The following PTPRD variants were observed in gnomAD, a reference collection of about 807,000 sequenced individuals.
The protein encoded by PTPRD is protein tyrosine phosphatase receptor type D, also known as receptor-type tyrosine-protein phosphatase delta.
Under a neutral mutation model 214.5 loss-of-function variants are expected in PTPRD, and 34 were observed. The ratio of observed to expected loss-of-function variants is 0.16; its 90% CI spans 0.12 to 0.21. The LOEUF (loss-of-function observed/expected upper bound fraction) is 0.21. Among genes scored for constraint, PTPRD ranks in the 10% least tolerant of loss-of-function variants. The probability of loss-of-function intolerance (pLI) is 1.00; values close to 1 mark genes in which losing one functional copy is unlikely to be tolerated. For synonymous variants in PTPRD, 1,128 were observed against 845.7 expected, an observed-to-expected ratio of 1.33 and a Z score of -5.79; for missense variants, 2,545 against 2,398.7, an observed-to-expected ratio of 1.06 and a Z score of -1.27.
chr9:9,557,227 A>AG (rs1350781744), intron 8 of PTPRD, among the ~76,000 whole-genome samples: 6 of 152,124 alleles, frequency 3.9e-5, no homozygotes, highest in Non-Finnish European at 8.8e-5. Flanking sequence ...CCATGATGGA[A>AG]GGGGGGAAGG....
At chr9:8,527,107 T>G (rs2074370213) in intron 16 of PTPRD, among the ~76,000 whole-genome samples, 1 of 151,990 alleles carries the variant, frequency 6.6e-6, no homozygotes, top group Non-Finnish European at 1.5e-5. Flanking sequence ...TGATTGGATA[T>G]CTTATACTAC....
chr9:8,328,770 T>C (rs902617669), intron 44 of PTPRD, among the ~76,000 whole-genome samples: 5 of 152,156 alleles, frequency 3.3e-5, no homozygotes, highest in East Asian at 3.9e-4. Flanking sequence ...CTTTATTTCA[T>C]TGAGTTGATC....
chr9:10,275,474 T>G lies in PTPRD; in HGVS notation c.-545+65489A>C, dbSNP rs73400348. Among the ~76,000 whole-genome samples the G allele has an allele frequency of 7.0e-3, 1,069 of 152,230 alleles. 12 individuals are homozygous for G. Among genetic ancestry groups the G allele is most frequent in the African/African-American group, 0.025 (1,021 of 41,540 alleles). On this transcript the variant is annotated intron_variant, in intron 3 of 45. Transcript: ENST00000381196. ...GAATTGATGTACTTATAAATTTATT[T>G]GAAGATTAAATCATACTACCTACAC...
intron 11 of PTPRD, among the ~76,000 whole-genome samples, chr9:8,818,682 A>G (rs1217119505): frequency 6.6e-6 from 1 of 152,242 alleles, no homozygotes; most frequent in Non-Finnish European, 1.5e-5. Flanking sequence ...AACAGACCAA[A>G]TACTTAGATG....
chr9:9,792,470 A>G (rs1237841121), intron 5 of PTPRD, among the ~76,000 whole-genome samples: 3 of 152,134 alleles, frequency 2.0e-5, no homozygotes, highest in Admixed American at 2.0e-4. Flanking sequence ...AATGATGTTC[A>G]ATTTTTGTAT....
chr9:10,424,057 A>G (rs1292278717), intron 2 of PTPRD, among the ~76,000 whole-genome samples: 1 of 152,052 alleles, frequency 6.6e-6, no homozygotes, highest in African/African-American at 2.4e-5. Context: ...TTTCAGAAGC[A>G]AGAAAATAGA....
intron 2 of PTPRD, among the ~76,000 whole-genome samples, chr9:10,482,110 G>T (rs531112117): frequency 1.3e-5 from 2 of 152,140 alleles, no homozygotes; most frequent in African/African-American, 2.4e-5. Flanking sequence ...GGTGGCTCAC[G>T]CCTGTAATCC....
At chr9:9,167,286 T>A (rs928930295) in intron 10 of PTPRD, among the ~76,000 whole-genome samples, 1 of 151,984 alleles carries the variant, frequency 6.6e-6, no homozygotes, top group Non-Finnish European at 1.5e-5. Context: ...TTTTTTTAAA[T>A]GCAATGCAAG....
intron 10 of PTPRD, among the ~76,000 whole-genome samples, chr9:9,174,276 C>G (rs10816058): frequency 0.42 from 63,452 of 151,776 alleles, 13,452 homozygotes; most frequent in African/African-American, 0.49. Context: ...CCATCATCTA[C>G]AATAGTGACT....
intron 39 of PTPRD, among the ~76,000 whole-genome samples, chr9:8,361,971 A>C (rs552774090): frequency 9.8e-5 from 15 of 152,344 alleles, no homozygotes; most frequent in African/African-American, 3.6e-4. Context: ...CCAAACTGTG[A>C]TATGGTGAAG....
intron 2 of PTPRD, among the ~76,000 whole-genome samples, chr9:10,541,813 C>A (rs1590420123): frequency 1.3e-5 from 2 of 151,802 alleles, no homozygotes; most frequent in African/African-American, 4.8e-5. Context: ...AACTGAAGAC[C>A]CCTCCAAAAT....
chr9:10,438,352 C>T (rs1369605011), intron 2 of PTPRD, among the ~76,000 whole-genome samples: 1 of 151,556 alleles, frequency 6.6e-6, no homozygotes, highest in East Asian at 1.9e-4. Flanking sequence ...TTATCAAATG[C>T]ATTATCAGTT....
intron 10 of PTPRD, among the ~76,000 whole-genome samples, chr9:9,074,466 T>G (rs916881999): frequency 1.3e-5 from 2 of 152,106 alleles, no homozygotes; most frequent in African/African-American, 4.8e-5. Flanking sequence ...ATTGTAGAAT[T>G]CTGAGAAGTG....
At chr9:10,475,798 TC>T (rs1455965159) in intron 2 of PTPRD, among the ~76,000 whole-genome samples, 2 of 152,058 alleles carry the variant, frequency 1.3e-5, no homozygotes, top group African/African-American at 4.8e-5. Context: ...GTCGGTTTCA[TC>T]CCCAGGATGC....
intron 33 of PTPRD, among the ~76,000 whole-genome samples, chr9:8,453,094 G>C (rs1412577341): frequency 6.6e-6 from 1 of 152,190 alleles, no homozygotes; most frequent in Admixed American, 6.5e-5. Context: ...GAGATTAGAA[G>C]AGGATGTCTA....
At chr9:8,516,127 G>C (rs1490099087) in intron 21 of PTPRD, among the ~76,000 whole-genome samples, 1 of 152,128 alleles carries the variant, frequency 6.6e-6, no homozygotes, top group Non-Finnish European at 1.5e-5. Context: ...TGCTAAAACA[G>C]TATAATAAAA....
chr9:9,258,849 T>C (rs1043202431), intron 9 of PTPRD, among the ~76,000 whole-genome samples: 4 of 151,896 alleles, frequency 2.6e-5, no homozygotes, highest in African/African-American at 9.7e-5. Context: ...TTCCAGAATT[T>C]TGTGTGTAAA....
chr9:9,948,998 C>G (rs920840034), intron 4 of PTPRD, among the ~76,000 whole-genome samples: 5 of 151,562 alleles, frequency 3.3e-5, no homozygotes, highest in Admixed American at 3.3e-4. Context: ...CATGGGGGGG[C>G]CTAAGATTTC....
chr9:8,530,373 C>T (rs932977847), intron 14 of PTPRD, among the ~76,000 whole-genome samples: 1 of 152,094 alleles, frequency 6.6e-6, no homozygotes, highest in Non-Finnish European at 1.5e-5. Context: ...CCAGACAAAT[C>T]ATGTTTGCTG....
Sources: gnomAD v4.1 joint callset for allele counts (sites outside exome capture counted in the v4.1 genomes callset) on GRCh38, gnomAD v4.1.1 for gene constraint, MANE v1.5 for transcripts, NCBI Gene and HGNC (gene_info 2026-07-23, HGNC 2026-07-21) for gene names.